Variants in ZNF385B observed in about 807,000 individuals in gnomAD.
ZNF385B encodes the protein zinc finger protein 385B.
A neutral mutation model predicts 39.2 loss-of-function variants in ZNF385B; 23 were observed. The ratio of observed to expected loss-of-function variants is 0.59; its 90% CI spans 0.42 to 0.83. The LOEUF (loss-of-function observed/expected upper bound fraction) is 0.83, where lower values mean the gene tolerates loss of function less well. Among genes scored for constraint, ZNF385B ranks in the 40% least tolerant of loss-of-function variants. The pLI, the probability that ZNF385B is intolerant of heterozygous loss-of-function variation, is 0.00. For missense variants in ZNF385B, 552 were observed against 598.9 expected, an observed-to-expected ratio of 0.92 and a Z score of 0.82; for synonymous variants, 205 against 222.6, an observed-to-expected ratio of 0.92 and a Z score of 0.70.
At chr2:179,531,386 A>G (rs1184549138) in intron 4 of ZNF385B, among the ~76,000 whole-genome samples, 2 of 152,160 alleles carry the variant, frequency 1.3e-5, no homozygotes, top group Non-Finnish European at 2.9e-5. Flanking sequence ...CTGTAATCCC[A>G]GCACTTTGGG....
chr2:179,498,185 G>C (rs976190286), intron 5 of ZNF385B, among the ~76,000 whole-genome samples: 1 of 152,010 alleles, frequency 6.6e-6, no homozygotes, highest in African/African-American at 2.4e-5. Flanking sequence ...ATAAGACTTA[G>C]TCTATACTAT....
chr2:179,456,566 A>G (rs1380395143), intron 6 of ZNF385B, among the ~76,000 whole-genome samples: 2 of 152,230 alleles, frequency 1.3e-5, no homozygotes. Context: ...ATTGTACACT[A>G]AAGTAAAAAA....
At chr2:179,586,851 A>T (rs1431218321) in intron 3 of ZNF385B, among the ~76,000 whole-genome samples, 1 of 152,130 alleles carries the variant, frequency 6.6e-6, no homozygotes, top group Non-Finnish European at 1.5e-5. Context: ...AGCCTGATCA[A>T]CATGGTGAAA....
intron 4 of ZNF385B, among the ~76,000 whole-genome samples, chr2:179,521,950 C>G (rs758632509): frequency 6.6e-6 from 1 of 152,042 alleles, no homozygotes; most frequent in Non-Finnish European, 1.5e-5. Context: ...ACTTTTTCTT[C>G]TAGTCTAAAT....
Position 179,861,118 on chromosome 2 carries a change from G to C in ZNF385B, c.-172C>G, listed in dbSNP as rs1685032856. ...GAGCTTACCTCGGCGCGCGGGCCGC[G>C]GGCGCGTGGGGCAGTGGCTCCTCCA... On this transcript the variant is annotated 5_prime_UTR_variant, in exon 1 of 10. Transcript: ENST00000410066. The C allele has an allele frequency of 6.5e-6, 1 of 154,220 alleles. No individual in the cohort carries two copies. Among genetic ancestry groups the C allele is most frequent in the Non-Finnish European group, 1.5e-5 (1 of 68,338 alleles). 9.6% of individuals were successfully genotyped at this position (154,220 alleles called of 1,614,324 possible). A position where few individuals can be genotyped will look rare whatever the true frequency, so the allele number is the denominator to read the frequency against.
chr2:179,492,419 C>G (rs1349082410), intron 5 of ZNF385B, among the ~76,000 whole-genome samples: 3 of 152,012 alleles, frequency 2.0e-5, no homozygotes, highest in African/African-American at 7.2e-5. Flanking sequence ...TCCCAGGCTT[C>G]CACACATTAA....
At chr2:179,808,464 T>G (rs889723840) in intron 1 of ZNF385B, among the ~76,000 whole-genome samples, 3 of 152,226 alleles carry the variant, frequency 2.0e-5, no homozygotes, top group Non-Finnish European at 2.9e-5. Flanking sequence ...AAACATCAGC[T>G]GTAGCTGTAA....
intron 5 of ZNF385B, among the ~76,000 whole-genome samples, chr2:179,510,061 C>T (rs2057546702): frequency 6.6e-6 from 1 of 152,150 alleles, no homozygotes; most frequent in African/African-American, 2.4e-5. Flanking sequence ...CATACACACA[C>T]ATATACATAC....
intron 3 of ZNF385B, among the ~76,000 whole-genome samples, chr2:179,658,854 C>T (rs1450800997): frequency 6.6e-6 from 1 of 152,220 alleles, no homozygotes; most frequent in Non-Finnish European, 1.5e-5. Flanking sequence ...CTCAGCTCAC[C>T]GCAACTTTCG....
chr2:179,687,105 T>C (rs987111374), intron 3 of ZNF385B, among the ~76,000 whole-genome samples: 4 of 151,776 alleles, frequency 2.6e-5, no homozygotes, highest in African/African-American at 9.7e-5. Context: ...CCTTCTACTC[T>C]GATATTATTT....
chr2:179,716,067 A>G (rs1391227105), intron 3 of ZNF385B, among the ~76,000 whole-genome samples: 3 of 152,120 alleles, frequency 2.0e-5, no homozygotes, highest in African/African-American at 7.2e-5. Flanking sequence ...ATCCTAGCAA[A>G]CACATGATTT....
At chr2:179,603,220 C>A (rs1057393974) in intron 3 of ZNF385B, among the ~76,000 whole-genome samples, 26 of 152,114 alleles carry the variant, frequency 1.7e-4, no homozygotes, top group Non-Finnish European at 1.3e-4. Context: ...TCTATCTAAG[C>A]CACAATTTCC....
intron 3 of ZNF385B, among the ~76,000 whole-genome samples, chr2:179,711,672 C>T (rs892699197): frequency 6.6e-6 from 1 of 152,090 alleles, no homozygotes; most frequent in Non-Finnish European, 1.5e-5. Context: ...TAGAGGGAAT[C>T]AAGGCCCTTT....
intron 1 of ZNF385B, among the ~76,000 whole-genome samples, chr2:179,799,797 T>C (rs1469752489): frequency 6.6e-6 from 1 of 152,126 alleles, no homozygotes; most frequent in Non-Finnish European, 1.5e-5. Flanking sequence ...AATGGCTGGT[T>C]TGCTAAAATC....
At chr2:179,558,617 C>T (rs1353755520) in intron 3 of ZNF385B, among the ~76,000 whole-genome samples, 1 of 152,160 alleles carries the variant, frequency 6.6e-6, no homozygotes, top group Non-Finnish European at 1.5e-5. Flanking sequence ...AATAAAATCC[C>T]AGAAAGCACA....
At chr2:179,653,284 C>G (rs987214364) in intron 3 of ZNF385B, among the ~76,000 whole-genome samples, 1 of 152,172 alleles carries the variant, frequency 6.6e-6, no homozygotes, top group South Asian at 2.1e-4. Context: ...TCACTAGACC[C>G]CGTGCACTAC....
chr2:179,622,405 C>T (rs1558992943), intron 3 of ZNF385B, among the ~76,000 whole-genome samples: 1 of 152,162 alleles, frequency 6.6e-6, no homozygotes, highest in Non-Finnish European at 1.5e-5. Flanking sequence ...CTTTGTGCAG[C>T]ACATACTCTG....
intron 1 of ZNF385B, among the ~76,000 whole-genome samples, chr2:179,801,632 T>C (rs1706041584): frequency 6.6e-6 from 1 of 152,138 alleles, no homozygotes; most frequent in Non-Finnish European, 1.5e-5. Context: ...ATTTTGAACC[T>C]CTAGGGCTTA....
chr2:179,624,970 C>CT (rs34786136), intron 3 of ZNF385B, among the ~76,000 whole-genome samples: 100,616 of 151,920 alleles, frequency 0.66, 33,542 homozygotes, highest in Admixed American at 0.73. Flanking sequence ...TCTAAATGTT[C>CT]AAGTGATATT....
Sources: gnomAD v4.1 joint callset for allele counts (sites outside exome capture counted in the v4.1 genomes callset) on GRCh38, gnomAD v4.1.1 for gene constraint, MANE v1.5 for transcripts, NCBI Gene and HGNC (gene_info 2026-07-23, HGNC 2026-07-21) for gene names.